NOL4: variants seen among roughly 807,000 people sequenced by gnomAD.
NOL4 encodes the protein nucleolar protein 4.
A neutral mutation model predicts 75.9 loss-of-function variants in NOL4; 17 were observed. The observed-to-expected ratio is 0.22, with a 90% CI of 0.15 to 0.34. NOL4 has a LOEUF of 0.34. Ranked by LOEUF, NOL4 falls within the 10% of genes least tolerant of loss-of-function variation. The pLI, the probability that NOL4 is intolerant of heterozygous loss-of-function variation, is 1.00. For synonymous variants in NOL4, 292 were observed against 289.9 expected (o/e 1.01, Z -0.07); for missense variants, 614 against 793.5 (o/e 0.77, Z 2.72).
chr18:34,029,168 A>T (rs2075505428), intron 5 of NOL4, among the ~76,000 whole-genome samples: 1 of 152,082 alleles, frequency 6.6e-6, no homozygotes, highest in Admixed American at 6.5e-5. Context: ...CCCCCTTTGG[A>T]TCTCAAATAT....
intron 4 of NOL4, among the ~76,000 whole-genome samples, chr18:34,102,364 T>C (rs1435073900): frequency 6.6e-6 from 1 of 152,114 alleles, no homozygotes; most frequent in East Asian, 1.9e-4. Context: ...AAATATAATT[T>C]GTTAGACAGG....
At chr18:34,097,711 C>A (rs780290765) in intron 4 of NOL4, among the ~76,000 whole-genome samples, 3 of 152,160 alleles carry the variant, frequency 2.0e-5, no homozygotes, top group African/African-American at 7.2e-5. Flanking sequence ...CAGTGCATAA[C>A]TGACAATCCT....
chr18:34,078,030 C>T (rs527515714), intron 5 of NOL4, among the ~76,000 whole-genome samples: 1 of 152,268 alleles, frequency 6.6e-6, no homozygotes, highest in Admixed American at 6.5e-5. Flanking sequence ...ATTCACTTTT[C>T]TCATCATAAA....
intron 9 of NOL4, among the ~76,000 whole-genome samples, chr18:33,939,487 CACATCCCTTGTA>C (rs2068314227): frequency 6.6e-6 from 1 of 152,098 alleles, no homozygotes; most frequent in African/African-American, 2.4e-5. Flanking sequence ...AGAGGTCCTT[CACATCCCTTGTA>C]AGTTGTATTC....
chr18:33,922,355 G>T (rs1301497083), intron 9 of NOL4, among the ~76,000 whole-genome samples: 1 of 152,114 alleles, frequency 6.6e-6, no homozygotes, highest in East Asian at 1.9e-4. Flanking sequence ...TTTTCTCCTG[G>T]TTTACTTCTA....
chr18:34,105,118 G>A lies in NOL4; in HGVS notation c.457C>T (p.Arg153Ter). Residue 153 changes from arginine to a stop codon, truncating the protein, a stop_gained, in exon 3 of 11, where the codon CGA becomes TGA. Coordinates refer to ENST00000261592, the MANE Select transcript of NOL4 (RefSeq NM_003787.5). LOFTEE classifies it high-confidence loss of function. The stretch of plus-strand genomic sequence containing the variant: ...CACTCTGAGCAGCTCATTAGAAATC[G>A]TGTCACCGCTTCTCTTGGTAGGAAG... ...YAFLPREAVT[R>*]FLMSCSECQK... 6.2e-7 allele frequency: 1 copy of A among 1,612,000 alleles called. No homozygotes were observed. Among genetic ancestry groups the A allele is most frequent in the African/African-American group, 1.3e-5 (1 of 74,884 alleles).
At chr18:34,076,313 C>T (rs1466958505) in intron 5 of NOL4, among the ~76,000 whole-genome samples, 1 of 152,114 alleles carries the variant, frequency 6.6e-6, no homozygotes, top group African/African-American at 2.4e-5. Flanking sequence ...AACTTTTTCA[C>T]TTTATTATAC....
At chr18:34,163,698 T>A (rs556785909) in intron 1 of NOL4, among the ~76,000 whole-genome samples, 2 of 152,294 alleles carry the variant, frequency 1.3e-5, no homozygotes, top group East Asian at 3.9e-4. Context: ...GCCAACCCCA[T>A]CAAGCTACCA....
At chr18:34,024,190 A>T (rs200108725) in intron 5 of NOL4, among the ~76,000 whole-genome samples, 2,345 of 69,428 alleles carry the variant, frequency 0.034, 116 homozygotes, top group East Asian at 0.076. Flanking sequence ...GGAAAAAAAA[A>T]AAAAATATAT....
At chr18:33,895,520 G>A (rs911140594) in intron 9 of NOL4, among the ~76,000 whole-genome samples, 1 of 151,996 alleles carries the variant, frequency 6.6e-6, no homozygotes, top group Non-Finnish European at 1.5e-5. Flanking sequence ...GTTCAAAAAT[G>A]TGATTACAGA....
At chr18:33,938,555 G>C (rs190400232) in intron 9 of NOL4, among the ~76,000 whole-genome samples, 44 of 152,160 alleles carry the variant, frequency 2.9e-4, no homozygotes, top group Admixed American at 2.9e-3. Context: ...CTTTTCATAT[G>C]TTTCTTGGCC....
chr18:33,890,692 G>T (rs887976428), intron 9 of NOL4, among the ~76,000 whole-genome samples: 2 of 152,092 alleles, frequency 1.3e-5, no homozygotes, highest in Middle Eastern at 3.4e-3. Context: ...TACTTATGAT[G>T]AACTTTTATA....
At chr18:34,113,022 A>C (rs1399873245) in intron 2 of NOL4, among the ~76,000 whole-genome samples, 2 of 152,196 alleles carry the variant, frequency 1.3e-5, no homozygotes, top group African/African-American at 4.8e-5. Context: ...TCTATTGCCC[A>C]GGCTGCAATC....
rs1230769143 is a variant in NOL4 at position 33,943,187 on chromosome 18, A to G, written c.1429-9T>C. 1.3e-6 allele frequency: 2 copies of G among 1,591,978 alleles called. No homozygotes were observed. The highest frequency in any genetic ancestry group is 1.7e-5 in the Admixed American group (1 of 58,560). The stretch of plus-strand genomic sequence containing the variant: ...GAAGGAATAGGTCGAGACTAAAAAA[A>G]AAAAGAGAAAAGTATGAAAAAAATT... On this transcript the variant is annotated splice_polypyrimidine_tract_variant and intron_variant, in intron 8 of 10. Coordinates refer to ENST00000261592, the MANE Select transcript of NOL4 (RefSeq NM_003787.5).
rs185569154 is a variant in NOL4, at chr18:33,973,716, G to A, written c.1057-15298C>T. On this transcript the variant is annotated intron_variant, in intron 6 of 10. Transcript: ENST00000261592. ...CATCAGAGCTCTTGGGTGACCAAGCGCACTGTGCGGGAGCAGTAATATTTT... is the reference window on the plus strand; with the variant it reads ...CATCAGAGCTCTTGGGTGACCAAGCACACTGTGCGGGAGCAGTAATATTTT... Among the ~76,000 whole-genome samples, 42 of 152,262 alleles carry A rather than the reference G, an allele frequency of 2.8e-4. No homozygotes were observed. The East Asian group carries it at 6.8e-3, about 25-fold the overall frequency.
chr18:34,058,708 T>C (rs952536399), intron 5 of NOL4, among the ~76,000 whole-genome samples: 1 of 152,158 alleles, frequency 6.6e-6, no homozygotes, highest in Non-Finnish European at 1.5e-5. Context: ...AACTAGAAAC[T>C]GTATCCACAG....
intron 10 of NOL4, among the ~76,000 whole-genome samples, chr18:33,860,676 T>C (rs1439500297): frequency 6.6e-6 from 1 of 151,930 alleles, no homozygotes; most frequent in Non-Finnish European, 1.5e-5. Context: ...CTATGTTGAA[T>C]AGGAGTGGTG....
intron 2 of NOL4, 73 bp from the exon 3 acceptor site, chr18:34,105,233 T>A (rs2079216307): frequency 1.0e-6 from 1 of 980,640 alleles, no homozygotes; most frequent in Non-Finnish European, 1.6e-6. Context: ...ATGATCATTG[T>A]ATTTCCAAAT....
intron 6 of NOL4, among the ~76,000 whole-genome samples, chr18:33,979,389 A>G (rs1287259976): frequency 6.6e-6 from 1 of 152,076 alleles, no homozygotes; most frequent in Admixed American, 6.6e-5. Context: ...ATACAATATT[A>G]TCCTTTAAAA....
Sources: allele counts gnomAD v4.1 joint callset (sites outside exome capture counted in the v4.1 genomes callset), GRCh38; gene constraint gnomAD v4.1.1; transcripts MANE v1.5; gene names NCBI Gene and HGNC (gene_info 2026-07-23, HGNC 2026-07-21).